Variants in MORN5 observed in about 807,000 individuals in gnomAD.
MORN5 encodes the protein MORN repeat containing 5, also known as MORN repeat-containing protein 5.
In MORN5, 21 loss-of-function variants were observed where a neutral mutation model predicts 22.1. The observed-to-expected ratio is 0.95, with a 90% confidence interval of 0.67 to 1.37. The LOEUF (loss-of-function observed/expected upper bound fraction) is 1.37, where lower values mean the gene tolerates loss of function less well. Ranked by LOEUF, MORN5 falls within the 40% of genes most tolerant of loss-of-function variation. The pLI is 0.00. For missense variants in MORN5, 211 were observed against 215.1 expected, an observed-to-expected ratio of 0.98 and a Z score of 0.12; for synonymous variants, 73 against 74.0, an observed-to-expected ratio of 0.99 and a Z score of 0.07.
At chr9:122,170,872 A>G (rs370666556) in intron 3 of MORN5, among the ~76,000 whole-genome samples, 2 of 152,194 alleles carry the variant, frequency 1.3e-5, no homozygotes, top group East Asian at 3.9e-4. Context: ...GAAATACCTA[A>G]TGTAGATGAC....
rs149444094 is a variant in MORN5 at position 122,160,288 on chromosome 9, C to T, written c.47+269C>T. Among the ~76,000 whole-genome samples, 235 of 152,244 alleles carry T rather than the reference C, an allele frequency of 1.5e-3. 1 individual carries two copies. The highest frequency in any genetic ancestry group is 6.8e-3 in the Middle Eastern group (2 of 294). On this transcript the variant is annotated intron_variant, in intron 1 of 4. Coordinates refer to ENST00000373764, the MANE Select transcript of MORN5 (RefSeq NM_198469.4). ...TATTTAAAATGTCAAGATCCTTGCT[C>T]TTATGGAGTTTATAATCCAGTTGGA...
rs1204715928 is a variant in MORN5, at chr9:122,197,523, G to A, written c.440-2362G>A. ...AGGGGAGCCGCAGAGAGGCGCAGGG[G>A]AGGCGGAGGGAGGGGTTGGTGAGCA... On this transcript the variant is annotated intron_variant, in intron 4 of 4. Coordinates refer to ENST00000373764, the MANE Select transcript of MORN5 (RefSeq NM_198469.4). This position sits in a 1 kb window ranked among gnomAD's most constrained non-coding sequence, Gnocchi z 5.7. 6.6e-6 allele frequency among the ~76,000 whole-genome samples: 1 copy of A among 152,226 alleles called. No individual in the cohort carries two copies. The highest frequency in any genetic ancestry group is 1.5e-5 in the Non-Finnish European group (1 of 68,034).
chr9:122,183,463 T>C (rs986909240), intron 4 of MORN5, among the ~76,000 whole-genome samples: 12 of 152,192 alleles, frequency 7.9e-5, no homozygotes, highest in African/African-American at 2.9e-4. Flanking sequence ...GAAAGACACA[T>C]TATTAATATT....
At chr9:122,175,108 C>T (rs528224086) in intron 4 of MORN5, among the ~76,000 whole-genome samples, 126 of 152,136 alleles carry the variant, frequency 8.3e-4, no homozygotes, top group Middle Eastern at 3.4e-3. Context: ...AAGTAGGGGC[C>T]CCAGAGAGGT....
chr9:122,179,102 G>T (rs115388303), intron 4 of MORN5, among the ~76,000 whole-genome samples: 98 of 152,248 alleles, frequency 6.4e-4, no homozygotes, highest in African/African-American at 2.3e-3. Context: ...CAGCAGGGTT[G>T]GTAAGAGTGT....
intron 4 of MORN5, 98 bp from the exon 5 acceptor site, chr9:122,199,787 G>T: frequency 8.9e-7 from 1 of 1,127,094 alleles, no homozygotes; most frequent in South Asian, 1.2e-5. Context: ...GCCATCGACG[G>T]ACCATCCCAG....
intron 3 of MORN5, among the ~76,000 whole-genome samples, chr9:122,173,428 A>C (rs1829394884): frequency 6.6e-6 from 1 of 152,196 alleles, no homozygotes; most frequent in Non-Finnish European, 1.5e-5. Context: ...TAGCCAGTAC[A>C]TATGGGGTTA....
intron 4 of MORN5, among the ~76,000 whole-genome samples, chr9:122,195,370 C>T (rs1006586283): frequency 1.3e-5 from 2 of 152,212 alleles, no homozygotes; most frequent in Non-Finnish European, 2.9e-5. Flanking sequence ...AAAGCCCATA[C>T]TTTTTACAGA....
At chr9:122,190,267 C>A (rs531374820) in intron 4 of MORN5, among the ~76,000 whole-genome samples, 17 of 152,228 alleles carry the variant, frequency 1.1e-4, no homozygotes, top group Non-Finnish European at 2.2e-4. Flanking sequence ...TCAATTATTT[C>A]CACATATTAA....
chr9:122,192,167 G>A (rs917839779), intron 4 of MORN5, among the ~76,000 whole-genome samples: 1 of 152,214 alleles, frequency 6.6e-6, no homozygotes, highest in African/African-American at 2.4e-5. Flanking sequence ...AGGCTTGTTC[G>A]GCTCCAGAAC....
chr9:122,178,876 A>C (rs899302826), intron 4 of MORN5, among the ~76,000 whole-genome samples: 2 of 152,182 alleles, frequency 1.3e-5, no homozygotes, highest in African/African-American at 4.8e-5. Flanking sequence ...GGTTCCATAG[A>C]GCGTTCCCTT....
chr9:122,181,143 C>T (rs1414378885), intron 4 of MORN5, among the ~76,000 whole-genome samples: 1 of 152,238 alleles, frequency 6.6e-6, no homozygotes, highest in Non-Finnish European at 1.5e-5. Flanking sequence ...CCCAGTGGCT[C>T]TCAGGACAAA....
At chr9:122,199,773 A>C (rs1829972992) in intron 4 of MORN5, 112 bp from the exon 5 acceptor site, 1 of 925,092 alleles carries the variant, frequency 1.1e-6, no homozygotes, top group Admixed American at 1.7e-5. Flanking sequence ...AACTACACAG[A>C]CTGGCCATCG....
intron 4 of MORN5, among the ~76,000 whole-genome samples, chr9:122,180,282 CTTTTTTT>C (rs938997436): frequency 9.3e-6 from 1 of 107,512 alleles, no homozygotes; most frequent in African/African-American, 3.6e-5. Flanking sequence ...ACATTTTCTT[CTTTTTTT>C]TTTTTTTTTT....
At chr9:122,164,587 T>C in intron 1 of MORN5, 1 of 985,546 alleles carries the variant, frequency 1.0e-6, no homozygotes, top group Non-Finnish European at 1.2e-6. Flanking sequence ...AGGAGATGAG[T>C]TCTGTTTTAG....
In MORN5 at chr9:122,174,537, C is replaced by T; in HGVS notation, c.349C>T (p.Pro117Ser). The change falls in exon 4 of 5, where the codon CCC becomes TCC. Residue 117 changes from proline (P) to serine (S), a missense_variant. Physicochemically the swap from Pro to Ser is moderately conservative, Grantham distance 74. Transcript: ENST00000373764. Reference protein sequence around the residue: ...LTNMDPPRKIPKGYYDCGDGF... With the variant: ...LTNMDPPRKISKGYYDCGDGF... ...CAATATGGACCCACCTAGAAAAATC[C>T]CCAAGGGCTATTACGATTGTGGAGA... The T allele has an allele frequency of 6.2e-7, 1 of 1,614,038 alleles. No homozygotes were observed. Among genetic ancestry groups the T allele is most frequent in the Middle Eastern group, 1.6e-4 (1 of 6,062 alleles).
chr9:122,169,872 G>A (rs1829341196), intron 3 of MORN5, 116 bp downstream of exon 3: 1 of 751,904 alleles, frequency 1.3e-6, no homozygotes, highest in South Asian at 1.6e-5. Context: ...GAACTGAGCA[G>A]GCGTAGAAGA....
intron 4 of MORN5, chr9:122,175,354 G>A (rs926225315): frequency 5.4e-6 from 3 of 558,496 alleles, no homozygotes; most frequent in South Asian, 1.6e-4. Flanking sequence ...AGGGGAGTAG[G>A]TACCTTGGAG....
intron 4 of MORN5, among the ~76,000 whole-genome samples, chr9:122,191,701 G>A (rs189919491): frequency 9.2e-5 from 14 of 152,376 alleles, no homozygotes; most frequent in Non-Finnish European, 1.8e-4. Context: ...CGAAGAGCAG[G>A]CAGAGCCCAG....
Sources: allele counts gnomAD v4.1 joint callset (sites outside exome capture counted in the v4.1 genomes callset), GRCh38; gene constraint gnomAD v4.1.1; non-coding constraint Gnocchi (gnomAD v3.1); transcripts MANE v1.5; gene names NCBI Gene and HGNC (gene_info 2026-07-23, HGNC 2026-07-21).